COL2A1: variants seen among roughly 807,000 people sequenced by gnomAD.
COL2A1 encodes the protein collagen type II alpha 1 chain, also known as collagen alpha-1(II) chain.
COL2A1 carries 28 observed loss-of-function variants against 204.5 expected under a neutral mutation model. That is an observed-to-expected ratio of 0.14 (90% CI 0.10 to 0.19). COL2A1 has a LOEUF of 0.19. Among genes scored for constraint, COL2A1 ranks in the 10% least tolerant of loss-of-function variants. COL2A1 has a pLI of 1.00. For missense variants in COL2A1, 1,388 were observed against 2,027.5 expected, an observed-to-expected ratio of 0.68 and a Z score of 6.06; for synonymous variants, 708 against 718.7, an observed-to-expected ratio of 0.99 and a Z score of 0.24.
chr12:47,983,066 G>T, intron 32 of COL2A1, 27 bp downstream of exon 32: 1 of 1,613,414 alleles, frequency 6.2e-7, no homozygotes. Context: ...CAAGGAGGCA[G>T]CCCGCATTGG....
chr12:48,005,470 C>T (rs1347564137), upstream of COL2A1: 3 of 152,200 alleles, frequency 2.0e-5, no homozygotes, highest in African/African-American at 7.2e-5. Context: ...CGGCCCTGGC[C>T]AGGGATCGGG....
At chr12:47,996,066 T>G in intron 8 of COL2A1, 147 bp from the exon 9 acceptor site, 1 of 683,600 alleles carries the variant, frequency 1.5e-6, no homozygotes, top group East Asian at 2.7e-5. Flanking sequence ...CCCTCTCATT[T>G]CCCACTCCCC....
At chr12:47,994,108 G>A in intron 12 of COL2A1, 61 bp from the exon 13 acceptor site, 1 of 1,592,504 alleles carries the variant, frequency 6.3e-7, no homozygotes, top group East Asian at 2.2e-5. Flanking sequence ...AAGCTGCCCT[G>A]GGCTGCAGGA....
upstream of COL2A1, chr12:48,004,594 C>T: frequency 2.9e-6 from 1 of 342,630 alleles, no homozygotes; most frequent in Middle Eastern, 8.5e-4. Flanking sequence ...AACCGCCCGC[C>T]CCCGGAGCCC....
At chr12:47,984,643 A>C in intron 27 of COL2A1, 44 bp from the exon 28 acceptor site, 1 of 1,599,726 alleles carries the variant, frequency 6.3e-7, no homozygotes, top group Non-Finnish European at 8.6e-7. Flanking sequence ...ATGGTTTGGG[A>C]GGGAGTTGGG....
chr12:47,992,986 T>A, intron 15 of COL2A1, 55 bp from the exon 16 acceptor site: 2 of 1,556,714 alleles, frequency 1.3e-6, no homozygotes, highest in South Asian at 2.2e-5. Flanking sequence ...GTGCTCAGGG[T>A]GACCATTTCT....
Position 47,976,866 on chromosome 12 carries a change from T to C in COL2A1, c.3381A>G (p.Arg1127=), listed in dbSNP as rs1443790586. ...DKGEAGEPGE[R]GLKGHRGFTG... is the part of the protein sequence containing the mutation. Reference sequence around the variant, plus strand: ...TGAAGCCACGGTGTCCCTTCAGGCCTCTCTCGCCAGGCTCTCCAGCCTCTC... The same window carrying C: ...TGAAGCCACGGTGTCCCTTCAGGCCCCTCTCGCCAGGCTCTCCAGCCTCTC... Residue 1127 remains arginine (R), a synonymous_variant, in exon 48 of 54, where the codon AGA becomes AGG. Transcript: ENST00000380518. This position sits in a 1 kb window ranked among gnomAD's most constrained non-coding sequence, Gnocchi z 4.3. The C allele has an allele frequency of 6.2e-7, 1 of 1,612,808 alleles. No individual in the cohort carries two copies. Among genetic ancestry groups the C allele is most frequent in the Non-Finnish European group, 8.5e-7 (1 of 1,179,530 alleles).
At chr12:47,993,640 G>T in intron 14 of COL2A1, 138 bp from the exon 15 acceptor site, 6 of 1,079,810 alleles carry the variant, frequency 5.6e-6, no homozygotes, top group Non-Finnish European at 8.5e-6. Context: ...ACAATGCCCT[G>T]AGCTCTCCAG....
chr12:47,981,835 G>A lies in COL2A1; in HGVS notation c.2356-6C>T. 1 of 1,553,902 alleles carries A rather than the reference G, an allele frequency of 6.4e-7. No individual in the cohort carries two copies. Among genetic ancestry groups the A allele is most frequent in the Non-Finnish European group, 8.7e-7 (1 of 1,148,480 alleles). On this transcript the variant is annotated splice_region_variant and splice_polypyrimidine_tract_variant and intron_variant, in intron 35 of 53. Coordinates refer to ENST00000380518, the MANE Select transcript of COL2A1 (RefSeq NM_001844.5). ...CCAATGGGACCTGTCAGGCCCTGCG[G>A]GGAGAGCAGGTAGAGGTGAGGGAGG...
Position 47,987,831 on chromosome 12 carries a change from C to G in COL2A1, c.1123-122G>C. On this transcript the variant is annotated intron_variant, in intron 18 of 53. Coordinates refer to ENST00000380518, the MANE Select transcript of COL2A1 (RefSeq NM_001844.5). The surrounding 1 kb of genome is among the most constrained non-coding windows in gnomAD (Gnocchi z 4.1). Reference sequence around the variant, plus strand: ...CTAAATTATGCACATGCACCCAACCCTGCACATGAACATGTGCGTTCACAC... The same window carrying G: ...CTAAATTATGCACATGCACCCAACCGTGCACATGAACATGTGCGTTCACAC... The G allele has an allele frequency of 1.3e-6, 1 of 745,792 alleles. No individual in the cohort carries two copies. Among genetic ancestry groups the G allele is most frequent in the Admixed American group, 2.0e-5 (1 of 48,968 alleles). 46.2% of individuals were successfully genotyped at this position (745,792 alleles called of 1,614,324 possible). A position where few individuals can be genotyped will look rare whatever the true frequency, so the allele number is the denominator to read the frequency against.
At position 47,975,302 on chromosome 12, in the gene COL2A1, G is replaced by C. The variant is rs1253350864; in HGVS notation, c.3886+15C>G. On this transcript the variant is annotated intron_variant, in intron 51 of 53. Transcript: ENST00000380518. ...CCTGCTTCCCGGGGCAGGGGATCCTGTTCTCCAAGCTTACCACTCTTCCAC... is the reference window on the plus strand; with the variant it reads ...CCTGCTTCCCGGGGCAGGGGATCCTCTTCTCCAAGCTTACCACTCTTCCAC... The C allele has an allele frequency of 2.5e-6, 4 of 1,613,540 alleles. No individual in the cohort carries two copies. The East Asian group carries it at 8.9e-5, about 36-fold the overall frequency.
intron 1 of COL2A1, among the ~76,000 whole-genome samples, 183 bp from the exon 2 acceptor site, chr12:48,000,308 A>T (rs533650657): frequency 2.0e-5 from 3 of 152,350 alleles, no homozygotes; most frequent in Admixed American, 2.0e-4. Context: ...TGATTTTTCC[A>T]TGTATTCAAC....
chr12:48,004,268 G>A lies in COL2A1; in HGVS notation c.54C>T (p.Ala18=). ...CCTGGCCCTGACACCGAAGGACAGC[G>A]GCGACGAGCAGCGTCAGCAGCACCA... ...QTLVLLTLLV[A]AVLRCQGQDV... is the part of the protein sequence containing the mutation. Residue 18 remains alanine, a synonymous_variant, in exon 1 of 54, where the codon GCC becomes GCT. Coordinates refer to ENST00000380518, the MANE Select transcript of COL2A1 (RefSeq NM_001844.5). 1 of 1,550,418 alleles carries A rather than the reference G, an allele frequency of 6.4e-7. No homozygotes were observed. The highest frequency in any genetic ancestry group is 2.0e-5 in the Admixed American group (1 of 50,998).
chr12:47,978,653 G>C lies in COL2A1; in HGVS notation c.2839C>G (p.Gln947Glu). 1 of 1,613,448 alleles carries C rather than the reference G, an allele frequency of 6.2e-7. No individual in the cohort carries two copies. ...TCGCCAGGGGGTCCAGCAGGACCTT[G>C]GAGGCCGGGTTCACCAGCTCGGCCA... is the stretch of plus-strand genomic sequence containing the variant. ...PPGRAGEPGL[Q>E]GPAGPPGEKG... Residue 947 changes from glutamine (Q) to glutamate (E), a missense_variant, in exon 42 of 54, where the codon CAA (glutamine) becomes GAA (glutamate). By Grantham distance (29) the Gln-to-Glu change is conservative. Around this residue, in one of 3 missense-constraint regions of COL2A1, gnomAD observed 884 missense variants for 1,415.8 expected, o/e 0.62. Coordinates refer to ENST00000380518, the MANE Select transcript of COL2A1 (RefSeq NM_001844.5). This position sits in a 1 kb window ranked among gnomAD's most constrained non-coding sequence, Gnocchi z 5.5.
intron 1 of COL2A1, among the ~76,000 whole-genome samples, chr12:48,000,386 G>C (rs1045256919): frequency 2.0e-5 from 3 of 152,184 alleles, no homozygotes; most frequent in Admixed American, 6.5e-5. Context: ...CAGCAATGAA[G>C]GTGGGGGGTT....
At chr12:47,988,912 T>C (rs1939570804) in intron 18 of COL2A1, among the ~76,000 whole-genome samples, 1 of 152,262 alleles carries the variant, frequency 6.6e-6, no homozygotes, top group Non-Finnish European at 1.5e-5. Flanking sequence ...TTTGCTTCCC[T>C]GTGCTGCCAC....
At position 47,986,377 on chromosome 12, in the gene COL2A1, C is replaced by G. The variant is rs1329803286; in HGVS notation, c.1486G>C (p.Glu496Gln). 1.3e-6 allele frequency: 2 copies of G among 1,570,536 alleles called. No homozygotes were observed. The highest frequency in any genetic ancestry group is 1.7e-6 in the Non-Finnish European group (2 of 1,157,308). Reference protein sequence around the residue: ...GEEGKRGARGEPGGVGPIGPP... With the variant: ...GEEGKRGARGQPGGVGPIGPP... ...CCGATGGGCCCAACGCCACCAGGCTCTCCACGGGCACCTCTCTTGCCTTCT... is the reference window on the plus strand; with the variant it reads ...CCGATGGGCCCAACGCCACCAGGCTGTCCACGGGCACCTCTCTTGCCTTCT... Residue 496 changes from glutamate to glutamine, a missense_variant, in exon 23 of 54, where the codon GAG (glutamate) becomes CAG (glutamine). Glu to Gln is a conservative substitution (Grantham distance 29). Coordinates refer to ENST00000380518, the MANE Select transcript of COL2A1 (RefSeq NM_001844.5).
At chr12:47,985,703 G>C (rs1270048528) in intron 25 of COL2A1, 25 bp downstream of exon 25, 4 of 1,612,720 alleles carry the variant, frequency 2.5e-6, no homozygotes, top group Non-Finnish European at 2.5e-6. Flanking sequence ...CTGAAGCCAA[G>C]GGCAACAGCA....
intron 1 of COL2A1, 30 bp from the exon 2 acceptor site, chr12:48,000,155 A>G: frequency 6.5e-7 from 1 of 1,542,910 alleles, no homozygotes; most frequent in African/African-American, 1.4e-5. Context: ...GGAGAAGCAG[A>G]GAGCCAAGGG....
Sources: gnomAD v4.1 joint callset for allele counts (sites outside exome capture counted in the v4.1 genomes callset) on GRCh38, gnomAD v4.1.1 for gene constraint, gnomAD v4.1.1 regional missense constraint, Gnocchi (gnomAD v3.1) non-coding constraint, MANE v1.5 for transcripts, NCBI Gene and HGNC (gene_info 2026-07-23, HGNC 2026-07-21) for gene names.